Variants in ILDR2 observed in about 807,000 individuals in gnomAD.
ILDR2 encodes immunoglobulin-like domain-containing receptor 2.
Under a neutral mutation model 66.8 loss-of-function variants are expected in ILDR2, and 25 were observed. That is an observed-to-expected ratio of 0.37 (90% CI 0.27 to 0.52). The LOEUF is 0.52. Ranked by LOEUF, ILDR2 falls within the 20% of genes least tolerant of loss-of-function variation. ILDR2 has a pLI of 0.88. For synonymous variants in ILDR2, 367 were observed against 357.2 expected (o/e 1.03, Z -0.31); for missense variants, 827 against 876.8 (o/e 0.94, Z 0.72).
intron 1 of ILDR2, among the ~76,000 whole-genome samples, chr1:166,964,145 A>T (rs1004646978): frequency 6.6e-5 from 10 of 151,938 alleles, no homozygotes; most frequent in Non-Finnish European, 1.5e-4. Context: ...AAAATAAAAA[A>T]AAAAAAAAAT....
chr1:166,942,916 G>A (rs1409983290), intron 3 of ILDR2, among the ~76,000 whole-genome samples: 7 of 151,994 alleles, frequency 4.6e-5, no homozygotes, highest in Non-Finnish European at 1.0e-4. Context: ...ATAAGGAAAG[G>A]GTGTATCAGA....
downstream of ILDR2, among the ~76,000 whole-genome samples, chr1:166,904,844 T>C (rs1659314472): frequency 6.6e-6 from 1 of 152,172 alleles, no homozygotes; most frequent in African/African-American, 2.4e-5. Flanking sequence ...CGCCGTTCTC[T>C]GGAGCACATC....
chr1:166,908,716 G>C lies in ILDR2; in HGVS notation c.*10639C>G, dbSNP rs185042048. ...GAGACGAAAGGTCCTAATGAAGGCA[G>C]TGACACAGAGATGGATTTCTAAATT... On this transcript the variant is annotated 3_prime_UTR_variant, in exon 10 of 10. Coordinates refer to ENST00000271417, the MANE Select transcript of ILDR2 (RefSeq NM_199351.3). The C allele has an allele frequency of 2.0e-5, 3 of 152,342 alleles. No individual in the cohort carries two copies. Among genetic ancestry groups the C allele is most frequent in the African/African-American group, 7.2e-5 (3 of 41,570 alleles). The allele number at this position is 152,342 out of a possible 1,614,324, so 9.4% of individuals were successfully genotyped here.
At chr1:166,898,589 T>A (rs1311351551) in intron 2 of ILDR2, among the ~76,000 whole-genome samples, 2 of 152,216 alleles carry the variant, frequency 1.3e-5, no homozygotes, top group Non-Finnish European at 2.9e-5. Context: ...TCTGACAATC[T>A]TTCCACCTCT....
chr1:166,936,500 G>A lies in ILDR2; in HGVS notation c.703+91C>T. 1.3e-6 allele frequency: 2 copies of A among 1,573,370 alleles called. No homozygotes were observed. Among genetic ancestry groups the A allele is most frequent in the Admixed American group, 1.8e-5 (1 of 56,068 alleles). ...AATCTTGGGGGTGGCAGGACAGGAG[G>A]TGGAGGAGGAACCCAGCGCACACAG... On this transcript the variant is annotated intron_variant, in intron 5 of 9. Transcript: ENST00000271417. This position sits in a 1 kb window ranked among gnomAD's most constrained non-coding sequence, Gnocchi z 5.0.
intron 1 of ILDR2, among the ~76,000 whole-genome samples, chr1:166,966,985 A>G (rs971280709): frequency 6.6e-6 from 1 of 152,232 alleles, no homozygotes; most frequent in Non-Finnish European, 1.5e-5. Flanking sequence ...AAGCACCTCA[A>G]ACTCATCCAT....
intron 6 of ILDR2, among the ~76,000 whole-genome samples, chr1:166,929,043 G>A (rs1660470827): frequency 6.6e-6 from 1 of 152,206 alleles, no homozygotes; most frequent in Non-Finnish European, 1.5e-5. Flanking sequence ...CTGTTCTGGA[G>A]GCAGTTATGT....
chr1:166,905,931 GTTT>G (rs1259379006), downstream of ILDR2, among the ~76,000 whole-genome samples: 1 of 152,160 alleles, frequency 6.6e-6, no homozygotes, highest in Admixed American at 6.5e-5. Flanking sequence ...ACTCCTCCAG[GTTT>G]TTATGTGAAA....
exon 3 of ILDR2, chr1:166,895,958 T>C (rs1659159953): frequency 6.6e-6 from 1 of 152,224 alleles, no homozygotes; most frequent in African/African-American, 2.4e-5. Flanking sequence ...TCCATTCTTC[T>C]CGATGTTCCT....
chr1:166,940,456 G>A (rs1288979911), intron 3 of ILDR2, among the ~76,000 whole-genome samples: 1 of 152,166 alleles, frequency 6.6e-6, no homozygotes. Context: ...TAAACTAGTA[G>A]TACCATAAAC....
chr1:166,924,374 C>T (rs1318667611), intron 7 of ILDR2, among the ~76,000 whole-genome samples: 1 of 152,130 alleles, frequency 6.6e-6, no homozygotes, highest in Non-Finnish European at 1.5e-5. Flanking sequence ...TCAGAACTTT[C>T]CTTAAACTTC....
chr1:166,973,455 C>A (rs1663418597), intron 1 of ILDR2, among the ~76,000 whole-genome samples: 2 of 151,976 alleles, frequency 1.3e-5, no homozygotes, highest in South Asian at 4.2e-4. Context: ...TCCTGTAGTA[C>A]CCTCCAGTGA....
intron 6 of ILDR2, among the ~76,000 whole-genome samples, chr1:166,930,811 A>C (rs1380204457): frequency 3.9e-5 from 6 of 152,256 alleles, no homozygotes; most frequent in Middle Eastern, 3.4e-3. Flanking sequence ...GCGTTCATTA[A>C]ATTTTTCTTG....
Position 166,919,389 on chromosome 1 carries a change from T to C in ILDR2, c.1886A>G (p.Asn629Ser). The C allele has an allele frequency of 1.2e-6, 2 of 1,608,100 alleles. No homozygotes were observed. The highest frequency in any genetic ancestry group is 1.7e-6 in the Non-Finnish European group (2 of 1,175,482). The change falls in exon 10 of 10, where the codon AAT becomes AGT. Residue 629 changes from asparagine (N) to serine (S), a missense_variant and splice_region_variant. By Grantham distance (46) the Asn-to-Ser change is conservative. Around this residue, in one of 2 missense-constraint regions of ILDR2, gnomAD observed 390 missense variants for 353.6 expected, o/e 1.10. Transcript: ENST00000271417. ...AAGGGACATCCTGGTTGGAAAGTCA[T>C]TCTAGGAAAGAGCAGAAAGAGCCCA... ...KRKKEPAKKT[N>S]DFPTRMSLVV
chr1:166,953,081 T>C (rs1662080057), intron 3 of ILDR2, among the ~76,000 whole-genome samples: 1 of 152,202 alleles, frequency 6.6e-6, no homozygotes, highest in Admixed American at 6.5e-5. Context: ...ACATCTATTC[T>C]TCTTTTATGT....
At chr1:166,944,760 C>G (rs958058017) in intron 3 of ILDR2, among the ~76,000 whole-genome samples, 1 of 152,208 alleles carries the variant, frequency 6.6e-6, no homozygotes, top group African/African-American at 2.4e-5. Flanking sequence ...TGTTCTGACA[C>G]AGCCCTGTAA....
intron 6 of ILDR2, among the ~76,000 whole-genome samples, chr1:166,933,212 T>A (rs536516476): frequency 6.6e-6 from 1 of 152,284 alleles, no homozygotes; most frequent in African/African-American, 2.4e-5. Context: ...ATTTTGTTTA[T>A]GAATGGGCAA....
chr1:166,903,929 T>C (rs1022050939), downstream of ILDR2, among the ~76,000 whole-genome samples: 1 of 152,218 alleles, frequency 6.6e-6, no homozygotes, highest in East Asian at 1.9e-4. Flanking sequence ...ACCACCCTTC[T>C]AATATTTTCC....
intron 3 of ILDR2, among the ~76,000 whole-genome samples, chr1:166,942,931 T>C (rs896690991): frequency 6.6e-6 from 1 of 152,190 alleles, no homozygotes; most frequent in Admixed American, 6.5e-5. Context: ...ATCAGACATA[T>C]GGACAGGTGA....
Sources: gnomAD v4.1 joint callset for allele counts (sites outside exome capture counted in the v4.1 genomes callset) on GRCh38, gnomAD v4.1.1 for gene constraint, gnomAD v4.1.1 regional missense constraint, Gnocchi (gnomAD v3.1) non-coding constraint, MANE v1.5 for transcripts, NCBI Gene and HGNC (gene_info 2026-07-23, HGNC 2026-07-21) for gene names.